Variants in TENM3 observed in about 807,000 individuals in gnomAD.
TENM3 encodes the protein teneurin-3.
Under a neutral mutation model 255.1 loss-of-function variants are expected in TENM3, and 63 were observed. The ratio of observed to expected loss-of-function variants is 0.25; its 90% CI spans 0.20 to 0.30. The LOEUF (loss-of-function observed/expected upper bound fraction) is 0.30, where lower values mean the gene tolerates loss of function less well. Among genes scored for constraint, TENM3 ranks in the 10% least tolerant of loss-of-function variants. TENM3 has a pLI of 1.00. For synonymous variants in TENM3, 1,306 were observed against 1,322.3 expected (o/e 0.99, Z 0.27); for missense variants, 2,929 against 3,461.1 (o/e 0.85, Z 3.86).
the TENM3 span, among the ~76,000 whole-genome samples, chr4:181,481,144 ACTCT>A: frequency 6.6e-6 from 1 of 151,704 alleles, no homozygotes; most frequent in African/African-American, 2.4e-5. Flanking sequence ...CCTATAAAAA[ACTCT>A]CTTTTCTTTT....
At chr4:182,688,019 G>T (rs770515358) in intron 11 of TENM3, 147 bp from the exon 12 acceptor site, 9 of 691,094 alleles carry the variant, frequency 1.3e-5, no homozygotes, top group Admixed American at 3.2e-5. Flanking sequence ...TGAAATTTAC[G>T]TAGCATACAA....
At chr4:181,668,502 G>A in the TENM3 span, among the ~76,000 whole-genome samples, 80 of 152,212 alleles carry the variant, frequency 5.3e-4, no homozygotes, top group African/African-American at 1.8e-3. Context: ...CTGCTGCTAC[G>A]GGTCTCTCTC....
chr4:182,154,909 A>G (rs1207529361), intron 1 of TENM3, among the ~76,000 whole-genome samples: 1 of 152,234 alleles, frequency 6.6e-6, no homozygotes, highest in African/African-American at 2.4e-5. Context: ...ATGTGAGTAT[A>G]TTCCCAACTT....
chr4:182,680,364 T>G lies in TENM3; in HGVS notation c.1639+15T>G. The G allele has an allele frequency of 6.3e-7, 1 of 1,596,966 alleles. No individual in the cohort carries two copies. The highest frequency in any genetic ancestry group is 8.6e-7 in the Non-Finnish European group (1 of 1,165,726). On this transcript the variant is annotated intron_variant, in intron 9 of 27. Transcript: ENST00000511685. ...TTGTTCAAGAGGTATGCAAGTTAGA[T>G]TCTTCTCTTAAGCCGATATAAATAA...
Position 182,757,236 on chromosome 4 carries a change from C to T in TENM3, c.4892+1977C>T, listed in dbSNP as rs190977592. Among the ~76,000 whole-genome samples the T allele has an allele frequency of 8.4e-5, 12 of 142,036 alleles. No individual in the cohort carries two copies. The East Asian group carries it at 8.7e-4, about 10-fold the overall frequency. The allele number at this position is 142,036 out of a possible 152,430, so 93.2% of individuals were successfully genotyped here. A position where few individuals can be genotyped will look rare whatever the true frequency, so the allele number is the denominator to read the frequency against. On this transcript the variant is annotated intron_variant, in intron 22 of 27. Transcript: ENST00000511685. Reference sequence around the variant, plus strand: ...CTGAGGCAGAAGAATGGCATGAACCCGGGAGGTGGAGGTTGCAGTGAGCTG... The same window carrying T: ...CTGAGGCAGAAGAATGGCATGAACCTGGGAGGTGGAGGTTGCAGTGAGCTG...
At chr4:182,759,741 G>A (rs1014488971) in intron 22 of TENM3, among the ~76,000 whole-genome samples, 2 of 152,192 alleles carry the variant, frequency 1.3e-5, no homozygotes, top group Non-Finnish European at 2.9e-5. Flanking sequence ...TTCCCAATAA[G>A]GTTTTTATCA....
chr4:182,753,393 T>A, intron 20 of TENM3, 57 bp from the exon 21 acceptor site: 1 of 1,473,032 alleles, frequency 6.8e-7, no homozygotes, highest in Non-Finnish European at 9.4e-7. Flanking sequence ...GGCCTAATAG[T>A]TAATCAAAAG....
chr4:182,114,064 T>A, the TENM3 span, among the ~76,000 whole-genome samples: 1 of 152,186 alleles, frequency 6.6e-6, no homozygotes, highest in African/African-American at 2.4e-5. Context: ...TCTATCTGGT[T>A]TTAATATTTT....
At chr4:182,059,311 T>C in the TENM3 span, among the ~76,000 whole-genome samples, 1 of 152,100 alleles carries the variant, frequency 6.6e-6, no homozygotes, top group African/African-American at 2.4e-5. Context: ...AAAAAGAATA[T>C]TGAAACTATT....
intron 12 of TENM3, chr4:182,711,485 C>A: frequency 2.7e-6 from 1 of 367,912 alleles, no homozygotes; most frequent in Non-Finnish European, 3.8e-6. Context: ...TGAAGCTACT[C>A]AATTTGCATG....
chr4:182,677,440 G>A (rs1171525818), intron 7 of TENM3, among the ~76,000 whole-genome samples: 2 of 152,144 alleles, frequency 1.3e-5, no homozygotes, highest in African/African-American at 2.4e-5. Context: ...GAAGAAAAAT[G>A]TTTATATGCT....
chr4:181,652,141 G>A, the TENM3 span, among the ~76,000 whole-genome samples: 4 of 88,524 alleles, frequency 4.5e-5, no homozygotes, highest in African/African-American at 8.5e-5. Flanking sequence ...GCACTTTGGG[G>A]TAAAAAAAAA....
At chr4:182,188,764 G>T (rs1053543543) in intron 1 of TENM3, among the ~76,000 whole-genome samples, 1 of 152,126 alleles carries the variant, frequency 6.6e-6, no homozygotes. Context: ...ACTCACTAGA[G>T]CTCCTTGGGG....
At chr4:181,663,888 C>T in the TENM3 span, among the ~76,000 whole-genome samples, 44 of 152,306 alleles carry the variant, frequency 2.9e-4, no homozygotes, top group African/African-American at 9.1e-4. Flanking sequence ...CCCGCAGCAC[C>T]GCTTTCATCT....
the TENM3 span, among the ~76,000 whole-genome samples, chr4:181,869,446 C>T: frequency 1.3e-5 from 2 of 151,952 alleles, no homozygotes; most frequent in African/African-American, 4.8e-5. Context: ...TAAGGTTATG[C>T]ATGTTATAAA....
At chr4:182,583,782 A>AC (rs1274244723) in intron 3 of TENM3, among the ~76,000 whole-genome samples, 1 of 152,164 alleles carries the variant, frequency 6.6e-6, no homozygotes, top group Non-Finnish European at 1.5e-5. Flanking sequence ...GGCAATACAA[A>AC]CCCAGTTATC....
chr4:181,674,187 A>G, the TENM3 span, among the ~76,000 whole-genome samples: 1 of 152,052 alleles, frequency 6.6e-6, no homozygotes, highest in Non-Finnish European at 1.5e-5. Context: ...TTGTAGATAC[A>G]GGGTTTCACC....
chr4:181,454,640 T>C, the TENM3 span, among the ~76,000 whole-genome samples: 3 of 102,938 alleles, frequency 2.9e-5, no homozygotes, highest in South Asian at 9.4e-4. Flanking sequence ...ATACCATTTT[T>C]TTCTGGTGTG....
intron 22 of TENM3, among the ~76,000 whole-genome samples, chr4:182,770,339 CCTT>C (rs1010910097): frequency 1.6e-4 from 25 of 152,260 alleles, no homozygotes; most frequent in Non-Finnish European, 2.4e-4. Flanking sequence ...TTTCTTTAAA[CCTT>C]CTTCAGCACC....
Sources: gnomAD v4.1 joint callset for allele counts (sites outside exome capture counted in the v4.1 genomes callset) on GRCh38, gnomAD v4.1.1 for gene constraint, MANE v1.5 for transcripts, NCBI Gene and HGNC (gene_info 2026-07-23, HGNC 2026-07-21) for gene names.